RUFY2: variants seen among roughly 807,000 people sequenced by gnomAD.
RUFY2 encodes the protein RUN and FYVE domain containing 2.
RUFY2 carries 49 observed loss-of-function variants against 94.4 expected under a neutral mutation model. The ratio of observed to expected loss-of-function variants is 0.52; its 90% CI spans 0.41 to 0.66. RUFY2 has a LOEUF of 0.66. Ranked by LOEUF, RUFY2 falls within the 30% of genes least tolerant of loss-of-function variation. RUFY2 has a pLI of 0.00. For missense variants in RUFY2, 541 were observed against 692.8 expected, an observed-to-expected ratio of 0.78 and a Z score of 2.46; for synonymous variants, 255 against 235.7, an observed-to-expected ratio of 1.08 and a Z score of -0.75.
chr10:68,345,774 C>A lies in RUFY2; in HGVS notation c.1815G>T (p.Leu605Phe), dbSNP rs201984496. ...AGGATTTAGTTCTGGAGTCTCAGGG[C>A]AAGTTAGATGAGCATCTCTGAATGA... is the stretch of plus-strand genomic sequence containing the variant. ...ALLIQRCSSN[L>F]P is the part of the protein sequence containing the mutation. Residue 605 changes from leucine to phenylalanine, a missense_variant, in exon 18 of 18, where the codon TTG becomes TTT. By Grantham distance (22) the Leu-to-Phe change is conservative. This residue lies in a region of RUFY2 where 403 missense variants were observed against 480.7 expected (regional missense o/e 0.84). Transcript: ENST00000602465. The A allele has an allele frequency of 3.1e-5, 50 of 1,611,252 alleles. No homozygotes were observed. The highest frequency in any genetic ancestry group is 4.0e-5 in the Non-Finnish European group (47 of 1,178,718).
rs561143697 is a variant in RUFY2 at position 68,379,426 on chromosome 10, T to C, written c.1203A>G (p.Gln401=). 98 of 1,598,520 alleles carry C rather than the reference T, an allele frequency of 6.1e-5. 1 individual carries two copies. The South Asian group carries it at 1.0e-3, about 17-fold the overall frequency. ...AACTAAGACTGGAAATGCTGTACCTTTGTTCCAGCTGCCTCATGGCTGCAG... is the reference window on the plus strand; with the variant it reads ...AACTAAGACTGGAAATGCTGTACCTCTGTTCCAGCTGCCTCATGGCTGCAG... ...KITAAMRQLE[Q]RLQQAEKAQM... The change falls in exon 12 of 18, where the codon CAA becomes CAG. Residue 401 remains glutamine, a splice_region_variant and synonymous_variant. Transcript: ENST00000602465.
chr10:68,384,610 G>C (rs1354325226), intron 8 of RUFY2, among the ~76,000 whole-genome samples: 1 of 152,126 alleles, frequency 6.6e-6, no homozygotes, highest in African/African-American at 2.4e-5. Flanking sequence ...AACTGAGTTG[G>C]ACACCCCATG....
intron 2 of RUFY2, among the ~76,000 whole-genome samples, chr10:68,403,868 T>C (rs1186997179): frequency 6.6e-6 from 1 of 151,688 alleles, no homozygotes; most frequent in African/African-American, 2.4e-5. Flanking sequence ...CAGAGTTCAC[T>C]GAAGCCTCGA....
At chr10:68,371,140 A>G (rs955830705) in intron 13 of RUFY2, among the ~76,000 whole-genome samples, 2 of 151,308 alleles carry the variant, frequency 1.3e-5, no homozygotes, top group Admixed American at 6.6e-5. Flanking sequence ...TCAAAAAAAA[A>G]AAAAAAAAAA....
intron 12 of RUFY2, chr10:68,378,164 A>C: frequency 2.0e-6 from 2 of 987,854 alleles, no homozygotes; most frequent in Non-Finnish European, 2.4e-6. Context: ...ATATGTAAAA[A>C]TCTGTAAGGG....
intron 3 of RUFY2, among the ~76,000 whole-genome samples, chr10:68,397,108 C>T (rs375515348): frequency 4.0e-4 from 61 of 152,294 alleles, no homozygotes; most frequent in African/African-American, 1.4e-3. Flanking sequence ...AGAAATGACT[C>T]TCTAAACACA....
intron 16 of RUFY2, among the ~76,000 whole-genome samples, chr10:68,350,665 A>G (rs977760462): frequency 6.6e-6 from 1 of 152,084 alleles, no homozygotes; most frequent in Non-Finnish European, 1.5e-5. Context: ...GGTACTGGTC[A>G]TGTTCTATTA....
chr10:68,372,681 G>A (rs543794499), intron 13 of RUFY2, among the ~76,000 whole-genome samples: 34 of 151,750 alleles, frequency 2.2e-4, no homozygotes, highest in Admixed American at 3.3e-4. Context: ...CTTGAGCCCA[G>A]GAGTTCGAGA....
chr10:68,379,571 T>TTG (rs373005572), intron 11 of RUFY2, 50 bp from the exon 12 acceptor site: 45,235 of 1,202,216 alleles, frequency 0.038, 548 homozygotes, highest in Non-Finnish European at 0.042. Flanking sequence ...GTGTGTGTGT[T>TTG]TGTGTGTGTG....
chr10:68,398,186 TAG>T (rs892319563), intron 3 of RUFY2, among the ~76,000 whole-genome samples: 4 of 136,560 alleles, frequency 2.9e-5, no homozygotes, highest in Non-Finnish European at 3.2e-5. Flanking sequence ...TTCAAAAACA[TAG>T]GTAACATTAT....
At position 68,394,308 on chromosome 10, in the gene RUFY2, C is replaced by A. The variant is rs1314528669; in HGVS notation, c.522+20G>T. On this transcript the variant is annotated intron_variant, in intron 5 of 17. Transcript: ENST00000602465. ...CAAACTGAAAACACTCTGCATTTGG[C>A]ACTAGTCACTTTCACTTACTTGTGA... 6.2e-7 allele frequency: 1 copy of A among 1,613,668 alleles called. No individual in the cohort carries two copies. The highest frequency in any genetic ancestry group is 1.1e-5 in the South Asian group (1 of 91,032).
chr10:68,388,441 C>T (rs554511212), intron 7 of RUFY2, among the ~76,000 whole-genome samples: 1 of 151,896 alleles, frequency 6.6e-6, no homozygotes, highest in African/African-American at 2.4e-5. Context: ...CCAGCCTGGG[C>T]GACAAGACTA....
Position 68,396,967 on chromosome 10 carries a change from A to G in RUFY2, c.297-86T>C, listed in dbSNP as rs988514097. ...TCTAGAGGTAAACATTAACAAGGAA[A>G]AAGGGCATTTTTATAATGGTTTTGT... On this transcript the variant is annotated intron_variant, in intron 3 of 17. Transcript: ENST00000602465. 6.5e-5 allele frequency: 54 copies of G among 829,384 alleles called. No homozygotes were observed. In the Middle Eastern group the frequency reaches 6.9e-4, roughly 11 times the overall value. The allele number at this position is 829,384 out of a possible 1,614,324, so 51.4% of individuals were successfully genotyped here.
intron 7 of RUFY2, among the ~76,000 whole-genome samples, chr10:68,389,427 C>A (rs923487067): frequency 6.6e-6 from 1 of 151,414 alleles, no homozygotes; most frequent in African/African-American, 2.4e-5. Context: ...CCTGTCTCTA[C>A]TGAACGTGCA....
intron 4 of RUFY2, among the ~76,000 whole-genome samples, chr10:68,396,120 TC>T (rs2050374482): frequency 1.3e-5 from 2 of 152,328 alleles, no homozygotes; most frequent in South Asian, 4.1e-4. Context: ...TGCCTCAGCC[TC>T]CCAAGTAGCT....
chr10:68,379,346 T>G, intron 12 of RUFY2, 78 bp downstream of exon 12: 1 of 1,005,390 alleles, frequency 9.9e-7, no homozygotes, highest in Non-Finnish European at 1.4e-6. Flanking sequence ...TAATGGTTTT[T>G]GTGGCAGGTG....
chr10:68,386,085 T>C lies in RUFY2; in HGVS notation c.694A>G (p.Lys232Glu). 2 of 1,612,566 alleles carry C rather than the reference T, an allele frequency of 1.2e-6. No homozygotes were observed. The highest frequency in any genetic ancestry group is 1.7e-6 in the Non-Finnish European group (2 of 1,179,174). Reference protein sequence around the residue: ...SLHSRVDSLEKSNTKLIEELA... With the variant: ...SLHSRVDSLEESNTKLIEELA... ...TCTTCAATCAGCTTAGTATTTGACTTTTCTAATGAATCAACTCTTGAATGG... is the reference window on the plus strand; with the variant it reads ...TCTTCAATCAGCTTAGTATTTGACTCTTCTAATGAATCAACTCTTGAATGG... The change falls in exon 8 of 18, where the codon AAG becomes GAG. Residue 232 changes from lysine (K) to glutamate (E), a missense_variant. This residue lies in a region of RUFY2 where 403 missense variants were observed against 480.7 expected (regional missense o/e 0.84). Transcript: ENST00000602465.
chr10:68,367,406 T>C (rs1478916080), intron 13 of RUFY2, among the ~76,000 whole-genome samples: 1 of 152,162 alleles, frequency 6.6e-6, no homozygotes, highest in Non-Finnish European at 1.5e-5. Flanking sequence ...TCCTTGTAAC[T>C]TAAAATTAAG....
rs527591201 is a variant in RUFY2, at chr10:68,385,120, C to T, written c.720+939G>A. The stretch of plus-strand genomic sequence containing the variant: ...CTACTAAAAATACAAAAAAATTAGC[C>T]GGGCGTGGTGGTGCGTGCCTTTAAT... On this transcript the variant is annotated intron_variant, in intron 8 of 17. Coordinates refer to ENST00000602465, the MANE Select transcript of RUFY2 (RefSeq NM_001330103.2). Among the ~76,000 whole-genome samples the T allele has an allele frequency of 5.9e-5, 9 of 152,126 alleles. No individual in the cohort carries two copies. In the South Asian group the frequency reaches 1.7e-3, roughly 28 times the overall value.
Sources: allele counts gnomAD v4.1 joint callset (sites outside exome capture counted in the v4.1 genomes callset), GRCh38; gene constraint gnomAD v4.1.1; regional missense constraint gnomAD v4.1.1; transcripts MANE v1.5; gene names NCBI Gene and HGNC (gene_info 2026-07-23, HGNC 2026-07-21).